Variants in DGKG observed in about 807,000 individuals in gnomAD.
The protein encoded by DGKG is diacylglycerol kinase gamma.
DGKG carries 78 observed loss-of-function variants against 105.3 expected under a neutral mutation model. The observed-to-expected ratio is 0.74, with a 90% CI of 0.62 to 0.89. DGKG has a LOEUF of 0.89. Ranked by LOEUF, DGKG falls within the 40% of genes least tolerant of loss-of-function variation. The probability of loss-of-function intolerance (pLI) is 0.00; values close to 1 mark genes in which losing one functional copy is unlikely to be tolerated. For synonymous variants in DGKG, 346 were observed against 367.1 expected (o/e 0.94, Z 0.66); for missense variants, 958 against 1,020.1 (o/e 0.94, Z 0.83).
At chr3:186,312,122 CAAAAAAAAAAAAAAAA>C (rs34286105) in intron 2 of DGKG, among the ~76,000 whole-genome samples, 7 of 17,470 alleles carry the variant, frequency 4.0e-4, no homozygotes, top group Non-Finnish European at 5.6e-4. Flanking sequence ...GACTCCGTCT[CAAAAAAAAAAAAAAAA>C]AAAAAAAAAA....
At chr3:186,154,983 G>T (rs1244109404) in intron 24 of DGKG, among the ~76,000 whole-genome samples, 2 of 152,156 alleles carry the variant, frequency 1.3e-5, no homozygotes, top group Admixed American at 6.5e-5. Flanking sequence ...TTGACTTTGA[G>T]ATTCTGCTAT....
chr3:186,165,115 T>C, intron 22 of DGKG, 97 bp from the exon 23 acceptor site: 1 of 1,350,980 alleles, frequency 7.4e-7, no homozygotes, highest in Non-Finnish European at 1.0e-6. Flanking sequence ...CCAATGTCTG[T>C]ATCCCTTCAT....
rs142508611 is a variant in DGKG, at chr3:186,295,810, C to T, written c.373+1611G>A. 4.3e-3 allele frequency among the ~76,000 whole-genome samples: 661 copies of T among 152,066 alleles called. 8 individuals are homozygous for T. The highest frequency in any genetic ancestry group is 0.015 in the African/African-American group (631 of 41,448). ...CTGAAGGAGATAATGGCAGACCATA[C>T]TGAGTTAAGAATAGAGTATACTTCT... On this transcript the variant is annotated intron_variant, in intron 5 of 24. Transcript: ENST00000265022.
chr3:186,299,606 C>T (rs1348842529), intron 3 of DGKG, among the ~76,000 whole-genome samples: 4 of 152,040 alleles, frequency 2.6e-5, no homozygotes, highest in Non-Finnish European at 5.9e-5. Context: ...TTTTCTGTCC[C>T]CGAGTCTCTG....
chr3:186,160,894 G>A (rs763865913), intron 24 of DGKG: 28 of 985,358 alleles, frequency 2.8e-5, no homozygotes, highest in Admixed American at 1.2e-4. Context: ...GATATGGTAA[G>A]TCTGGGAATG....
In DGKG at chr3:186,162,020, G is replaced by A. The variant is rs556566808; in HGVS notation, c.2217-357C>T. 3.9e-5 allele frequency among the ~76,000 whole-genome samples: 6 copies of A among 152,234 alleles called. No individual in the cohort carries two copies. In the South Asian group the frequency reaches 8.3e-4, roughly 21 times the overall value. On this transcript the variant is annotated intron_variant, in intron 23 of 24. Transcript: ENST00000265022. Reference sequence around the variant, plus strand: ...AGCAATTCTCCTTCCTCAGCCTCCCGAGTAGATGGGATTACAGGCATGTGC... The same window carrying A: ...AGCAATTCTCCTTCCTCAGCCTCCCAAGTAGATGGGATTACAGGCATGTGC...
At chr3:186,279,648 A>G (rs897464251) in intron 9 of DGKG, 4 of 496,572 alleles carry the variant, frequency 8.1e-6, no homozygotes, top group Non-Finnish European at 1.4e-5. Flanking sequence ...TAAAGTAGTA[A>G]TAATGTAGTA....
chr3:186,233,519 G>A (rs1043996679), intron 20 of DGKG, among the ~76,000 whole-genome samples: 3 of 152,060 alleles, frequency 2.0e-5, no homozygotes, highest in African/African-American at 7.2e-5. Context: ...TCGCTCTGTC[G>A]CCCAGGCTGG....
intron 21 of DGKG, among the ~76,000 whole-genome samples, chr3:186,208,874 C>G (rs1718878640): frequency 6.6e-6 from 1 of 152,180 alleles, no homozygotes; most frequent in East Asian, 1.9e-4. Context: ...GGGTTCCAAG[C>G]TAAATTCACT....
At chr3:186,343,854 C>T (rs1315047389) in intron 1 of DGKG, among the ~76,000 whole-genome samples, 1 of 151,934 alleles carries the variant, frequency 6.6e-6, no homozygotes, top group Non-Finnish European at 1.5e-5. Flanking sequence ...TTTCACTTAG[C>T]AGTATATGGT....
chr3:186,188,388 C>T lies in DGKG; in HGVS notation c.1918-9G>A, dbSNP rs113020411. ...ACCCCAACCCCATCACACTGGAGGA[C>T]GGAGAGAAAAGGCCATCTGTTAGTG... is the stretch of plus-strand genomic sequence containing the variant. On this transcript the variant is annotated splice_polypyrimidine_tract_variant and intron_variant, in intron 21 of 24. Transcript: ENST00000265022. 5.1e-5 allele frequency: 83 copies of T among 1,613,322 alleles called. 1 individual carries two copies. The highest frequency in any genetic ancestry group is 3.5e-4 in the Middle Eastern group (2 of 5,776).
In DGKG at chr3:186,210,311, T is replaced by A. The variant is rs1471378044; in HGVS notation, c.1917+1484A>T. On this transcript the variant is annotated intron_variant, in intron 21 of 24. Transcript: ENST00000265022. The surrounding 1 kb of genome is among the most constrained non-coding windows in gnomAD (Gnocchi z 5.2). The stretch of plus-strand genomic sequence containing the variant: ...GCCAAGGGGAAAAAATGCACACATA[T>A]CCCTGTTAGCCACACTCGGTTCCCC... Among the ~76,000 whole-genome samples, 1 of 152,102 alleles carries A rather than the reference T, an allele frequency of 6.6e-6. No individual in the cohort carries two copies. The highest frequency in any genetic ancestry group is 1.5e-5 in the Non-Finnish European group (1 of 68,014).
rs928565162 is a variant in DGKG, at chr3:186,254,378, T to C, written c.1511-1196A>G. ...GAGATGGCCACTGGAAGGCTTGAGA[T>C]AGAGAGCAAAACAATGCAATGGCCC... On this transcript the variant is annotated intron_variant, in intron 17 of 24. Transcript: ENST00000265022. 2.0e-5 allele frequency among the ~76,000 whole-genome samples: 3 copies of C among 152,134 alleles called. No individual in the cohort carries two copies. The East Asian group carries it at 5.8e-4, about 29-fold the overall frequency.
chr3:186,282,289 A>C (rs1722865474), intron 7 of DGKG, among the ~76,000 whole-genome samples: 1 of 152,174 alleles, frequency 6.6e-6, no homozygotes, highest in East Asian at 1.9e-4. Flanking sequence ...TCGAGAAGGA[A>C]GCCCTCTCCA....
chr3:186,180,111 A>G (rs1275454755), intron 22 of DGKG, among the ~76,000 whole-genome samples: 1 of 152,096 alleles, frequency 6.6e-6, no homozygotes, highest in Non-Finnish European at 1.5e-5. Flanking sequence ...ATAAATAATT[A>G]TATGAGAGTT....
chr3:186,244,099 G>A (rs1020403690), intron 19 of DGKG, among the ~76,000 whole-genome samples: 13 of 152,146 alleles, frequency 8.5e-5, no homozygotes, highest in African/African-American at 2.7e-4. Flanking sequence ...TCTTCGCCAT[G>A]TTGGCCAGGC....
At chr3:186,185,032 TG>T (rs1309082008) in intron 22 of DGKG, among the ~76,000 whole-genome samples, 28 of 152,188 alleles carry the variant, frequency 1.8e-4, no homozygotes, top group Non-Finnish European at 1.5e-4. Flanking sequence ...TTGTCAGACT[TG>T]CTTATTTTAC....
At chr3:186,331,716 G>A (rs185364497) in intron 1 of DGKG, among the ~76,000 whole-genome samples, 1 of 152,336 alleles carries the variant, frequency 6.6e-6, no homozygotes, top group Non-Finnish European at 1.5e-5. Context: ...CAGGCAGGCA[G>A]TGTTGGTCTA....
intron 22 of DGKG, among the ~76,000 whole-genome samples, chr3:186,173,121 C>G (rs763671377): frequency 3.9e-5 from 6 of 152,196 alleles, no homozygotes; most frequent in Non-Finnish European, 7.3e-5. Flanking sequence ...ACCAGTTGGA[C>G]TGGATTAGGG....
Sources: gnomAD v4.1 joint callset for allele counts (sites outside exome capture counted in the v4.1 genomes callset) on GRCh38, gnomAD v4.1.1 for gene constraint, Gnocchi (gnomAD v3.1) non-coding constraint, MANE v1.5 for transcripts, NCBI Gene and HGNC (gene_info 2026-07-23, HGNC 2026-07-21) for gene names.